TEX29: variants seen among roughly 807,000 people sequenced by gnomAD.
TEX29 encodes the protein testis-expressed protein 29.
In TEX29, 26 loss-of-function variants were observed where a neutral mutation model predicts 18.2. The observed-to-expected ratio is 1.43, with a 90% confidence interval of 1.04 to 1.98. The LOEUF (loss-of-function observed/expected upper bound fraction) is 1.98. Among genes scored for constraint, TEX29 ranks in the 30% most tolerant of loss-of-function variants. The pLI, the probability that TEX29 is intolerant of heterozygous loss-of-function variation, is 0.00. For synonymous variants in TEX29, 83 were observed against 78.5 expected (o/e 1.06, Z -0.31); for missense variants, 177 against 194.2 (o/e 0.91, Z 0.53).
intron 2 of TEX29, among the ~76,000 whole-genome samples, chr13:111,327,903 C>T (rs752847758): frequency 4.6e-5 from 7 of 152,228 alleles, no homozygotes; most frequent in East Asian, 1.9e-4. Context: ...CTCTGTCGTG[C>T]GCCGTGCCTG....
At chr13:111,342,557 CAAAAAAAAAAAAAA>C (rs34305274) in intron 4 of TEX29, among the ~76,000 whole-genome samples, 185 bp from the exon 5 acceptor site, 1 of 75,320 alleles carries the variant, frequency 1.3e-5, no homozygotes, top group Admixed American at 1.6e-4. Context: ...AAAACTGTCT[CAAAAAAAAAAAAAA>C]AAAAAAGAGA....
chr13:111,333,860 C>T (rs1000687424), intron 3 of TEX29, among the ~76,000 whole-genome samples: 3 of 152,152 alleles, frequency 2.0e-5, no homozygotes, highest in African/African-American at 7.2e-5. Flanking sequence ...AGTAAACTGC[C>T]CCCATGAGCC....
chr13:111,323,436 C>T (rs1253355548), intron 2 of TEX29, among the ~76,000 whole-genome samples: 1 of 152,246 alleles, frequency 6.6e-6, no homozygotes, highest in Admixed American at 6.5e-5. Flanking sequence ...CAGCTGCTGC[C>T]TAAAGATTAA....
At chr13:111,324,616 AGAGAGAGG>A (rs1303219066) in intron 2 of TEX29, among the ~76,000 whole-genome samples, 1 of 121,276 alleles carries the variant, frequency 8.2e-6, no homozygotes, top group Non-Finnish European at 1.8e-5. Flanking sequence ...TGCGTTTCAC[AGAGAGAGG>A]GCAAGGGAGG....
chr13:111,316,457 C>T (rs759465782), upstream of TEX29, among the ~76,000 whole-genome samples: 7 of 152,210 alleles, frequency 4.6e-5, no homozygotes, highest in African/African-American at 1.2e-4. Flanking sequence ...TGGGCTGTGC[C>T]GTTGCTGCAA....
At chr13:111,333,392 A>T (rs537352786) in intron 3 of TEX29, among the ~76,000 whole-genome samples, 1 of 152,162 alleles carries the variant, frequency 6.6e-6, no homozygotes, top group South Asian at 2.1e-4. Context: ...AGGCTGTATT[A>T]ATTTTTCTTG....
At chr13:111,342,323 A>G (rs2093697805) in intron 4 of TEX29, among the ~76,000 whole-genome samples, 2 of 152,184 alleles carry the variant, frequency 1.3e-5, no homozygotes, top group South Asian at 4.1e-4. Flanking sequence ...AGTGCAACAC[A>G]CACCTTCCCC....
At chr13:111,330,732 C>T (rs1023193618) in intron 3 of TEX29, among the ~76,000 whole-genome samples, 4 of 152,194 alleles carry the variant, frequency 2.6e-5, no homozygotes, top group African/African-American at 9.7e-5. Flanking sequence ...CGTGTCCTAT[C>T]CTTCCCTCTC....
intron 3 of TEX29, among the ~76,000 whole-genome samples, chr13:111,328,881 A>C (rs949493688): frequency 1.3e-5 from 2 of 152,036 alleles, no homozygotes; most frequent in Non-Finnish European, 2.9e-5. Flanking sequence ...AGGCGTTGCC[A>C]CTCCCCATCC....
upstream of TEX29, among the ~76,000 whole-genome samples, chr13:111,316,591 G>A (rs889046489): frequency 6.6e-6 from 1 of 152,252 alleles, no homozygotes; most frequent in African/African-American, 2.4e-5. Context: ...GGGCCCGGGT[G>A]TCAAAAAGTG....
At chr13:111,339,055 G>C (rs1252576937) in intron 3 of TEX29, among the ~76,000 whole-genome samples, 1 of 152,198 alleles carries the variant, frequency 6.6e-6, no homozygotes, top group Non-Finnish European at 1.5e-5. Context: ...GGCTCAGGAG[G>C]GGGCTGAGCA....
At chr13:111,317,217 C>T (rs947599010), upstream of TEX29, among the ~76,000 whole-genome samples, 8 of 152,058 alleles carry the variant, frequency 5.3e-5, no homozygotes, top group Admixed American at 2.6e-4. Flanking sequence ...TAACATTCTC[C>T]GCCAACAGCT....
intron 4 of TEX29, 71 bp downstream of exon 4, chr13:111,340,003 C>T (rs777358765): frequency 4.4e-5 from 64 of 1,457,720 alleles, no homozygotes; most frequent in Middle Eastern, 1.8e-4. Flanking sequence ...CAGCTTCCTG[C>T]CTGCCTGGGC....
rs915147729 is a variant in TEX29, at chr13:111,321,155, C to T, written c.58+207C>T. 3.3e-5 allele frequency among the ~76,000 whole-genome samples: 5 copies of T among 152,204 alleles called. 1 individual carries two copies. Among genetic ancestry groups the T allele is most frequent in the Non-Finnish European group, 2.9e-5 (2 of 68,036 alleles). ...TTTTTGAAAATTTTATTACAAAATACACCCGAACCTGAGGTTTTCTAGATG... is the reference window on the plus strand; with the variant it reads ...TTTTTGAAAATTTTATTACAAAATATACCCGAACCTGAGGTTTTCTAGATG... On this transcript the variant is annotated intron_variant, in intron 2 of 5. Transcript: ENST00000283547.
chr13:111,323,234 G>T (rs1057110760), intron 2 of TEX29, among the ~76,000 whole-genome samples: 3 of 152,244 alleles, frequency 2.0e-5, no homozygotes, highest in Non-Finnish European at 4.4e-5. Context: ...CCTAGCAGGT[G>T]ATGGCCTGAG....
At chr13:111,330,717 G>A (rs2093681336) in intron 3 of TEX29, among the ~76,000 whole-genome samples, 2 of 152,198 alleles carry the variant, frequency 1.3e-5, no homozygotes, top group Non-Finnish European at 2.9e-5. Context: ...ACGCCCATTA[G>A]CAGTCGTGTC....
chr13:111,318,008 C>G (rs1054833859), upstream of TEX29, among the ~76,000 whole-genome samples: 6 of 152,192 alleles, frequency 3.9e-5, no homozygotes, highest in Admixed American at 1.3e-4. Flanking sequence ...TCCAAATAAG[C>G]CCTCATCCTT....
intron 3 of TEX29, among the ~76,000 whole-genome samples, chr13:111,336,912 G>T (rs978489394): frequency 6.6e-6 from 1 of 152,206 alleles, no homozygotes; most frequent in South Asian, 2.1e-4. Context: ...TACGGGAGAT[G>T]TACTGACGGT....
upstream of TEX29, among the ~76,000 whole-genome samples, chr13:111,317,415 C>T (rs558434930): frequency 2.6e-5 from 4 of 152,222 alleles, no homozygotes; most frequent in African/African-American, 4.8e-5. Flanking sequence ...CCTGAGATGG[C>T]GTTGCCCTCT....
Sources: allele counts gnomAD v4.1 joint callset (sites outside exome capture counted in the v4.1 genomes callset), GRCh38; gene constraint gnomAD v4.1.1; transcripts MANE v1.5; gene names NCBI Gene and HGNC (gene_info 2026-07-23, HGNC 2026-07-21).